The following ZNF250 variants were observed in gnomAD, a reference collection of about 807,000 sequenced individuals.
ZNF250 encodes zinc finger protein (clone 647).
A neutral mutation model predicts 37.1 loss-of-function variants in ZNF250; 13 were observed. The observed-to-expected ratio is 0.35, with a 90% CI of 0.23 to 0.56. The LOEUF (loss-of-function observed/expected upper bound fraction) is 0.56, where lower values mean the gene tolerates loss of function less well. Ranked by LOEUF, ZNF250 falls within the 20% of genes least tolerant of loss-of-function variation. The pLI, the probability that ZNF250 is intolerant of heterozygous loss-of-function variation, is 0.87. For synonymous variants in ZNF250, 251 were observed against 265.6 expected (o/e 0.94, Z 0.54); for missense variants, 474 against 697.9 (o/e 0.68, Z 3.61).
chr8:144,900,313 C>A (rs2956155), intron 1 of ZNF250, among the ~76,000 whole-genome samples: 1 of 152,080 alleles, frequency 6.6e-6, no homozygotes, highest in Non-Finnish European at 1.5e-5. Flanking sequence ...ACTGAAAAAT[C>A]TGCGAGTACC....
In ZNF250 at chr8:144,882,807, T is replaced by C. The variant is rs1831593799; in HGVS notation, c.376A>G (p.Thr126Ala). The C allele has an allele frequency of 1.2e-6, 2 of 1,611,900 alleles. No homozygotes were observed. Among genetic ancestry groups the C allele is most frequent in the African/African-American group, 1.3e-5 (1 of 74,768 alleles). Residue 126 changes from threonine to alanine, a missense_variant, in exon 6 of 6, where the codon ACA (threonine) becomes GCA (alanine). By Grantham distance (58) the Thr-to-Ala change is moderately conservative (BLOSUM62 0). Coordinates refer to ENST00000417550, the MANE Select transcript of ZNF250 (RefSeq NM_001109689.4). This position sits in a 1 kb window ranked among gnomAD's most constrained non-coding sequence, Gnocchi z 5.5. ...ECETKGESQN[T>A]DLSPKPLISE... ...ATTAATGGCTTCGGACTCAAGTCTG[T>C]ATTTTGACTCTCTCCCTTGGTTTCA...
rs1367476210 is a variant in ZNF250, at chr8:144,878,571, A to G, written c.*2944T>C. 6.6e-6 allele frequency: 1 copy of G among 152,126 alleles called. No homozygotes were observed. Among genetic ancestry groups the G allele is most frequent in the East Asian group, 1.9e-4 (1 of 5,192 alleles). 9.4% of individuals were successfully genotyped at this position (152,126 alleles called of 1,614,324 possible). A position where few individuals can be genotyped will look rare whatever the true frequency, so the allele number is the denominator to read the frequency against. ...GTAACCTCAGCTCCTCCCTTAAGTA[A>G]CATCTCATTGGTATCAGCTTTTCTC... On this transcript the variant is annotated 3_prime_UTR_variant, in exon 6 of 6. Coordinates refer to ENST00000417550, the MANE Select transcript of ZNF250 (RefSeq NM_001109689.4).
rs148135759 is a variant in ZNF250, at chr8:144,881,698, G to A, written c.1485C>T (p.Thr495=). The A allele has an allele frequency of 6.2e-7, 1 of 1,613,898 alleles. No individual in the cohort carries two copies. Among genetic ancestry groups the A allele is most frequent in the Non-Finnish European group, 8.5e-7 (1 of 1,179,946 alleles). Reference sequence around the variant, plus strand: ...ACTCATATGGCTTCTCGCCCGTGTGGGTCCTCAGGTGCACAATCAGAGTTG... The same window carrying A: ...ACTCATATGGCTTCTCGCCCGTGTGAGTCCTCAGGTGCACAATCAGAGTTG... ...LKATLIVHLR[T]HTGEKPYECN... The change falls in exon 6 of 6, where the codon ACC becomes ACT. Residue 495 remains threonine, a synonymous_variant. Coordinates refer to ENST00000417550, the MANE Select transcript of ZNF250 (RefSeq NM_001109689.4).
rs1379583440 is a variant in ZNF250 at position 144,891,270 on chromosome 8, C to T, written c.-54-867G>A. Among the ~76,000 whole-genome samples the T allele has an allele frequency of 6.6e-6, 1 of 152,130 alleles. No individual in the cohort carries two copies. Among genetic ancestry groups the T allele is most frequent in the South Asian group, 2.1e-4 (1 of 4,822 alleles). ...CCAGGTGACCAAAGGTGGTAGATCACTCCAGAAAAACGTGGTATAACAAAG... is the reference window on the plus strand; with the variant it reads ...CCAGGTGACCAAAGGTGGTAGATCATTCCAGAAAAACGTGGTATAACAAAG... On this transcript the variant is annotated intron_variant, in intron 1 of 5. Transcript: ENST00000417550. The surrounding 1 kb of genome is among the most constrained non-coding windows in gnomAD (Gnocchi z 4.0).
chr8:144,889,515 G>T, intron 4 of ZNF250, 66 bp downstream of exon 4: 1 of 1,312,880 alleles, frequency 7.6e-7, no homozygotes. Flanking sequence ...GTATGAACTA[G>T]GTCCACAGCT....
intron 4 of ZNF250, among the ~76,000 whole-genome samples, chr8:144,889,371 G>T (rs1200564159): frequency 6.6e-6 from 1 of 152,220 alleles, no homozygotes; most frequent in Non-Finnish European, 1.5e-5. Flanking sequence ...TCAGCTTGTT[G>T]AAATTCACTG....
chr8:144,880,670 C>T lies in ZNF250; in HGVS notation c.*845G>A, dbSNP rs1437992180. The T allele has an allele frequency of 8.7e-6, 3 of 346,706 alleles. No homozygotes were observed. Among genetic ancestry groups the T allele is most frequent in the African/African-American group, 6.4e-5 (3 of 46,690 alleles). The allele number at this position is 346,706 out of a possible 1,614,324, so 21.5% of individuals were successfully genotyped here. ...CTTGAGGCCAGGAGTTCGAGACCAG[C>T]CTGGCCAACACGGTGAAACTCCGTC... On this transcript the variant is annotated 3_prime_UTR_variant, in exon 6 of 6. Transcript: ENST00000417550.
At chr8:144,887,077 C>T (rs1323721154) in intron 4 of ZNF250, among the ~76,000 whole-genome samples, 175 bp from the exon 5 acceptor site, 1 of 151,756 alleles carries the variant, frequency 6.6e-6, no homozygotes, top group Admixed American at 6.6e-5. Flanking sequence ...AGTGAAACCC[C>T]GTCTCTACTA....
chr8:144,890,240 C>A lies in ZNF250; in HGVS notation c.42+68G>T. The A allele has an allele frequency of 5.3e-6, 8 of 1,521,952 alleles. No homozygotes were observed. Among genetic ancestry groups the A allele is most frequent in the Non-Finnish European group, 7.2e-6 (8 of 1,116,594 alleles). The allele number at this position is 1,521,952 out of a possible 1,614,324, so 94.3% of individuals were successfully genotyped here. On this transcript the variant is annotated intron_variant, in intron 2 of 5. Coordinates refer to ENST00000417550, the MANE Select transcript of ZNF250 (RefSeq NM_001109689.4). The surrounding 1 kb of genome is among the most constrained non-coding windows in gnomAD (Gnocchi z 5.1). ...GACGCTCTGGCTGCTCTTAGGAGCT[C>A]TACGGGGCACGGAAGGAACCACAGG...
In ZNF250 at chr8:144,879,272, G is replaced by T. The variant is rs1831304586; in HGVS notation, c.*2243C>A. 1 of 152,240 alleles carries T rather than the reference G, an allele frequency of 6.6e-6. No individual in the cohort carries two copies. The highest frequency in any genetic ancestry group is 1.5e-5 in the Non-Finnish European group (1 of 68,050). The allele number at this position is 152,240 out of a possible 1,614,324, so 9.4% of individuals were successfully genotyped here. On this transcript the variant is annotated 3_prime_UTR_variant, in exon 6 of 6. Coordinates refer to ENST00000417550, the MANE Select transcript of ZNF250 (RefSeq NM_001109689.4). ...TCAGTTGCTCTGAAGTAAAACACCA[G>T]TGATGTCAGCTCCTTTCTCAAGTTA...
In ZNF250 at chr8:144,879,291, C is replaced by G. The variant is rs1240070438; in HGVS notation, c.*2224G>C. 1.3e-5 allele frequency: 2 copies of G among 152,238 alleles called. No individual in the cohort carries two copies. Among genetic ancestry groups the G allele is most frequent in the African/African-American group, 4.8e-5 (2 of 41,452 alleles). 9.4% of individuals were successfully genotyped at this position (152,238 alleles called of 1,614,324 possible). A position where few individuals can be genotyped will look rare whatever the true frequency, so the allele number is the denominator to read the frequency against. The stretch of plus-strand genomic sequence containing the variant: ...ACACCAGTGATGTCAGCTCCTTTCT[C>G]AAGTTAACCAATCAGTTACCAGTTC... On this transcript the variant is annotated 3_prime_UTR_variant, in exon 6 of 6. Transcript: ENST00000417550.
chr8:144,889,561 G>A lies in ZNF250; in HGVS notation c.283+20C>T, dbSNP rs1259331842. On this transcript the variant is annotated intron_variant, in intron 4 of 5. Coordinates refer to ENST00000417550, the MANE Select transcript of ZNF250 (RefSeq NM_001109689.4). ...CCTGTTTAGCCCTCAGTGAGGGAGGGGCCAGCTCTCCTCACTCACCTGAGT... is the reference window on the plus strand; with the variant it reads ...CCTGTTTAGCCCTCAGTGAGGGAGGAGCCAGCTCTCCTCACTCACCTGAGT... 3.1e-6 allele frequency: 5 copies of A among 1,588,430 alleles called. No homozygotes were observed. The highest frequency in any genetic ancestry group is 3.5e-6 in the Non-Finnish European group (4 of 1,157,364).
At chr8:144,898,741 G>A (rs966802148) in intron 1 of ZNF250, among the ~76,000 whole-genome samples, 4 of 152,110 alleles carry the variant, frequency 2.6e-5, no homozygotes, top group African/African-American at 9.7e-5. Context: ...CAATTCAATA[G>A]AAAGAGACAA....
intron 1 of ZNF250, among the ~76,000 whole-genome samples, chr8:144,894,017 C>T (rs1832536234): frequency 6.6e-6 from 1 of 152,068 alleles, no homozygotes; most frequent in South Asian, 2.1e-4. Flanking sequence ...CACTTGAGCT[C>T]GTGATCCCCC....
In ZNF250 at chr8:144,886,376, C is replaced by T. The variant is rs547560021; in HGVS notation, c.346+464G>A. Among the ~76,000 whole-genome samples, 29 of 152,266 alleles carry T rather than the reference C, an allele frequency of 1.9e-4. No individual in the cohort carries two copies. The South Asian group carries it at 5.0e-3, about 26-fold the overall frequency. On this transcript the variant is annotated intron_variant, in intron 5 of 5. Transcript: ENST00000417550. ...AACTAACTGCATAAGAGACTACTCG[C>T]TCAATCATCCATGGCACGAAAGCAT...
intron 5 of ZNF250, among the ~76,000 whole-genome samples, chr8:144,886,357 C>G (rs943282101): frequency 5.9e-5 from 9 of 152,110 alleles, no homozygotes; most frequent in Admixed American, 3.9e-4. Context: ...ACTAAACTAA[C>G]TGCATAAGAG....
intron 3 of ZNF250, 71 bp from the exon 4 acceptor site, chr8:144,889,765 G>A: frequency 6.6e-7 from 1 of 1,515,046 alleles, no homozygotes; most frequent in Non-Finnish European, 8.9e-7. Context: ...CAAGCCACTT[G>A]TGGGGACATG....
Position 144,891,175 on chromosome 8 carries a change from G to A in ZNF250, c.-54-772C>T, listed in dbSNP as rs943139810. Among the ~76,000 whole-genome samples the A allele has an allele frequency of 1.3e-5, 2 of 152,194 alleles. No homozygotes were observed. Among genetic ancestry groups the A allele is most frequent in the Non-Finnish European group, 2.9e-5 (2 of 68,038 alleles). On this transcript the variant is annotated intron_variant, in intron 1 of 5. Coordinates refer to ENST00000417550, the MANE Select transcript of ZNF250 (RefSeq NM_001109689.4). This position sits in a 1 kb window ranked among gnomAD's most constrained non-coding sequence, Gnocchi z 4.0. Reference sequence around the variant, plus strand: ...GAGCTTTCCTGACACATTTGGTCCTGTACAGGATAGGGTTCGCAGTCTTCT... The same window carrying A: ...GAGCTTTCCTGACACATTTGGTCCTATACAGGATAGGGTTCGCAGTCTTCT...
At chr8:144,896,347 AAAAT>A (rs752465200) in intron 1 of ZNF250, among the ~76,000 whole-genome samples, 1 of 148,348 alleles carries the variant, frequency 6.7e-6, no homozygotes, top group Non-Finnish European at 1.5e-5. Context: ...TCCCTGTCTC[AAAAT>A]AAATAAATAA....
Sources: allele counts gnomAD v4.1 joint callset (sites outside exome capture counted in the v4.1 genomes callset), GRCh38; gene constraint gnomAD v4.1.1; non-coding constraint Gnocchi (gnomAD v3.1); transcripts MANE v1.5; gene names NCBI Gene and HGNC (gene_info 2026-07-23, HGNC 2026-07-21).